CD274: variants seen among roughly 807,000 people sequenced by gnomAD.
The protein encoded by CD274 is programmed cell death 1 ligand 1.
A neutral mutation model predicts 30.1 loss-of-function variants in CD274; 8 were observed. The observed-to-expected ratio is 0.27, with a 90% CI of 0.16 to 0.48. CD274 has a LOEUF of 0.48. Ranked by LOEUF, CD274 falls within the 20% of genes least tolerant of loss-of-function variation. The pLI, the probability that CD274 is intolerant of heterozygous loss-of-function variation, is 0.99. For synonymous variants in CD274, 152 were observed against 124.6 expected (o/e 1.22, Z -1.46); for missense variants, 353 against 346.6 (o/e 1.02, Z -0.15).
chr9:5,462,892 T>C lies in CD274; in HGVS notation c.453T>C (p.His151=), dbSNP rs2131223182. ...TTGTGGATCCAGTCACCTCTGAACA[T>C]GAACTGACATGTCAGGCTGAGGGCT... is the stretch of plus-strand genomic sequence containing the variant. ...ILVVDPVTSE[H]ELTCQAEGYP... is the part of the protein sequence containing the mutation. Residue 151 remains histidine (H), a synonymous_variant, in exon 4 of 7, where the codon CAT becomes CAC. Transcript: ENST00000381577. 1 of 1,613,962 alleles carries C rather than the reference T, an allele frequency of 6.2e-7. No homozygotes were observed. The highest frequency in any genetic ancestry group is 8.5e-7 in the Non-Finnish European group (1 of 1,179,922).
chr9:5,453,308 G>A (rs1430405917), intron 1 of CD274, among the ~76,000 whole-genome samples: 2 of 152,136 alleles, frequency 1.3e-5, no homozygotes, highest in African/African-American at 4.8e-5. Flanking sequence ...ACCAAAAAAT[G>A]ATCAGATCTT....
intron 1 of CD274, among the ~76,000 whole-genome samples, chr9:5,453,340 A>G (rs191130100): frequency 2.1e-4 from 32 of 152,340 alleles, no homozygotes; most frequent in Non-Finnish European, 3.8e-4. Context: ...AAAAAATAAT[A>G]TTTTTTAAAC....
chr9:5,451,871 G>A (rs768329589), intron 1 of CD274, among the ~76,000 whole-genome samples: 3 of 151,996 alleles, frequency 2.0e-5, no homozygotes, highest in Non-Finnish European at 2.9e-5. Context: ...GTAGAGATGG[G>A]GCTCTTGTTA....
At chr9:5,460,956 T>C (rs1374970901) in intron 3 of CD274, among the ~76,000 whole-genome samples, 1 of 152,206 alleles carries the variant, frequency 6.6e-6, no homozygotes, top group African/African-American at 2.4e-5. Context: ...TTACATCTGG[T>C]TCAACCTAAT....
chr9:5,464,785 A>G (rs1159533375), intron 4 of CD274, among the ~76,000 whole-genome samples: 1 of 152,134 alleles, frequency 6.6e-6, no homozygotes, highest in Non-Finnish European at 1.5e-5. Context: ...ACTAGCTTCT[A>G]TATTAAAGAA....
At chr9:5,458,292 C>T (rs1819343190) in intron 3 of CD274, among the ~76,000 whole-genome samples, 1 of 152,188 alleles carries the variant, frequency 6.6e-6, no homozygotes, top group African/African-American at 2.4e-5. Flanking sequence ...CCACAAAGAA[C>T]AAAAATCCCC....
intron 3 of CD274, among the ~76,000 whole-genome samples, chr9:5,459,285 T>A (rs1819361974): frequency 6.6e-6 from 1 of 152,202 alleles, no homozygotes; most frequent in Non-Finnish European, 1.5e-5. Context: ...CTACTCCCAA[T>A]CCATCTTGTC....
chr9:5,454,490 G>A (rs1306079035), intron 1 of CD274, among the ~76,000 whole-genome samples: 1 of 151,752 alleles, frequency 6.6e-6, no homozygotes, highest in East Asian at 1.9e-4. Flanking sequence ...TACAAAATCA[G>A]TACATGTACA....
chr9:5,460,972 T>C (rs184108528), intron 3 of CD274, among the ~76,000 whole-genome samples: 2 of 152,294 alleles, frequency 1.3e-5, no homozygotes, highest in East Asian at 3.9e-4. Flanking sequence ...CTAATAGACA[T>C]TTGTACAAAA....
Position 5,469,581 on chromosome 9 carries a change from G to C in CD274, c.*1719G>C. ...TTTAGTGTTTCTTATATAGCAGATG[G>C]AATGAATTTGAAGTTCCCAGGGCTG... On this transcript the variant is annotated 3_prime_UTR_variant, in exon 7 of 7. Coordinates refer to ENST00000381577, the MANE Select transcript of CD274 (RefSeq NM_014143.4). The C allele has an allele frequency of 4.3e-6, 1 of 232,034 alleles. No homozygotes were observed. Among genetic ancestry groups the C allele is most frequent in the Non-Finnish European group, 8.5e-6 (1 of 117,368 alleles). 14.4% of individuals were successfully genotyped at this position (232,034 alleles called of 1,614,324 possible).
intron 1 of CD274, among the ~76,000 whole-genome samples, chr9:5,452,033 T>TC (rs200031198): frequency 0.011 from 1,616 of 148,682 alleles, 38 homozygotes; most frequent in African/African-American, 0.038. Context: ...TGTCTTTTTT[T>TC]TTTTTTTTTT....
At chr9:5,462,786 A>T (rs2131222496) in intron 3 of CD274, 48 bp from the exon 4 acceptor site, 1 of 1,546,432 alleles carries the variant, frequency 6.5e-7, no homozygotes, top group Non-Finnish European at 8.8e-7. Context: ...CTATGTACGT[A>T]GTTCTGTGCT....
Position 5,452,152 on chromosome 9 carries a change from G to A in CD274, c.-15+1556G>A, listed in dbSNP as rs1035647320. 2.0e-5 allele frequency among the ~76,000 whole-genome samples: 3 copies of A among 151,812 alleles called. No homozygotes were observed. In the East Asian group the frequency reaches 5.8e-4, roughly 29 times the overall value. On this transcript the variant is annotated intron_variant, in intron 1 of 6. Transcript: ENST00000381577. ...CTGCCTCAGCCTCCCGAGTAGCTGG[G>A]ACTACAGGCACCTGCCACCACGCCC... is the stretch of plus-strand genomic sequence containing the variant.
At chr9:5,467,395 A>G in intron 6 of CD274, among the ~76,000 whole-genome samples, 1 of 152,226 alleles carries the variant, frequency 6.6e-6, no homozygotes, top group Admixed American at 6.5e-5. Flanking sequence ...TTTGCTACAA[A>G]TGTTTACATT....
chr9:5,467,804 T>G (rs769561311), intron 6 of CD274, 36 bp from the exon 7 acceptor site: 1 of 1,565,358 alleles, frequency 6.4e-7, no homozygotes, highest in South Asian at 1.1e-5. Flanking sequence ...CCCAGACCAC[T>G]TCCCATGAAA....
intron 6 of CD274, among the ~76,000 whole-genome samples, 186 bp downstream of exon 6, chr9:5,467,015 G>C (rs1819508145): frequency 6.6e-6 from 1 of 152,090 alleles, no homozygotes; most frequent in South Asian, 2.1e-4. Flanking sequence ...GAAGGGGAAG[G>C]AGTCAGCTTC....
At chr9:5,460,709 A>G (rs1189477340) in intron 3 of CD274, among the ~76,000 whole-genome samples, 1 of 152,160 alleles carries the variant, frequency 6.6e-6, no homozygotes, top group Non-Finnish European at 1.5e-5. Flanking sequence ...ATCAAGTTAT[A>G]TGTTGACTTC....
Position 5,465,597 on chromosome 9 carries a change from T to G in CD274, c.781T>G (p.Leu261Val). 1.9e-6 allele frequency: 3 copies of G among 1,588,572 alleles called. No homozygotes were observed. In the East Asian group the frequency reaches 6.7e-5, roughly 35 times the overall value. Residue 261 changes from leucine to valine, a missense_variant, in exon 5 of 7, where the codon TTA (leucine) becomes GTA (valine). By Grantham distance (32) the Leu-to-Val change is conservative. Coordinates refer to ENST00000381577, the MANE Select transcript of CD274 (RefSeq NM_014143.4). ...LGVALTFIFR[L>V]RKGRMMDVKK... ...TGTAGCACTGACATTCATCTTCCGT[T>G]TAAGAAAAGGTAGTATTTCCTTAAT...
At position 5,466,795 on chromosome 9, in the gene CD274, T is replaced by C. The variant is rs1388263430; in HGVS notation, c.816T>C (p.Cys272=). ...GGAGAATGATGGATGTGAAAAAATGTGGCATCCAAGATACAAACTCAAAGA... is the reference window on the plus strand; with the variant it reads ...GGAGAATGATGGATGTGAAAAAATGCGGCATCCAAGATACAAACTCAAAGA... ...RKGRMMDVKK[C]GIQDTNSKKQ... The change falls in exon 6 of 7, where the codon TGT becomes TGC. Residue 272 remains cysteine (C), a synonymous_variant. Transcript: ENST00000381577. The C allele has an allele frequency of 4.3e-5, 70 of 1,611,236 alleles. No individual in the cohort carries two copies. The highest frequency in any genetic ancestry group is 5.8e-5 in the Non-Finnish European group (68 of 1,178,898).
Sources: gnomAD v4.1 joint callset for allele counts (sites outside exome capture counted in the v4.1 genomes callset) on GRCh38, gnomAD v4.1.1 for gene constraint, MANE v1.5 for transcripts, NCBI Gene and HGNC (gene_info 2026-07-23, HGNC 2026-07-21) for gene names.